Variants in CFH observed in about 807,000 individuals in gnomAD.
The protein encoded by CFH is complement factor H, also known as H factor 1 (complement).
Under a neutral mutation model 147.3 loss-of-function variants are expected in CFH, and 53 were observed. The observed-to-expected ratio is 0.36, with a 90% CI of 0.29 to 0.45. CFH has a LOEUF of 0.45. CFH is among the 20% of genes least tolerant of loss of function. The pLI is 1.00. For missense variants in CFH, 1,380 were observed against 1,498.0 expected (o/e 0.92, Z 1.30); for synonymous variants, 536 against 489.4 (o/e 1.10, Z -1.26).
chr1:196,653,202 C>T (rs1273855714), intron 1 of CFH, among the ~76,000 whole-genome samples: 2 of 151,590 alleles, frequency 1.3e-5, no homozygotes, highest in Non-Finnish European at 3.0e-5. Context: ...AAAAAATATT[C>T]AAATATGTTT....
At chr1:196,722,799 T>G (rs988529054) in intron 11 of CFH, among the ~76,000 whole-genome samples, 2 of 152,166 alleles carry the variant, frequency 1.3e-5, no homozygotes, top group African/African-American at 4.8e-5. Flanking sequence ...TATTTTTGTC[T>G]GACAGGGTTA....
chr1:196,694,440 C>T (rs1573034019), intron 9 of CFH, among the ~76,000 whole-genome samples: 2 of 152,004 alleles, frequency 1.3e-5, no homozygotes, highest in East Asian at 3.9e-4. Flanking sequence ...ATCTTTGCTA[C>T]TGCAAATGGT....
At chr1:196,723,740 C>T (rs1159656542) in intron 11 of CFH, among the ~76,000 whole-genome samples, 1 of 152,054 alleles carries the variant, frequency 6.6e-6, no homozygotes, top group African/African-American at 2.4e-5. Flanking sequence ...AGCACCAGCC[C>T]TGACAGGGGT....
intron 1 of CFH, among the ~76,000 whole-genome samples, chr1:196,655,885 C>CA (rs1246163036): frequency 2.2e-4 from 33 of 151,994 alleles, no homozygotes; most frequent in Non-Finnish European, 2.9e-5. Context: ...AACTGAACAT[C>CA]AAAAAATGAA....
chr1:196,666,366 T>C (rs542989275), intron 1 of CFH, among the ~76,000 whole-genome samples: 20 of 152,304 alleles, frequency 1.3e-4, no homozygotes, highest in Non-Finnish European at 2.8e-4. Flanking sequence ...TCATTCGAGT[T>C]ATATTTTTTT....
At chr1:196,663,021 T>C (rs961571009) in intron 1 of CFH, among the ~76,000 whole-genome samples, 10 of 152,178 alleles carry the variant, frequency 6.6e-5, no homozygotes, top group African/African-American at 2.2e-4. Context: ...TATTGAGAAG[T>C]CTTTGTAAAT....
intron 17 of CFH, among the ~76,000 whole-genome samples, chr1:196,738,307 C>T (rs1363135929): frequency 6.6e-6 from 1 of 152,172 alleles, no homozygotes; most frequent in Non-Finnish European, 1.5e-5. Flanking sequence ...CAATTCAAAA[C>T]ACAATCATGC....
At chr1:196,696,202 A>G (rs908878398) in intron 9 of CFH, among the ~76,000 whole-genome samples, 7 of 152,130 alleles carry the variant, frequency 4.6e-5, no homozygotes, top group Admixed American at 3.9e-4. Context: ...TCGACCATAT[A>G]ATTGGAAGTA....
At chr1:196,714,942 C>A (rs1486284656) in intron 10 of CFH, among the ~76,000 whole-genome samples, 1 of 151,336 alleles carries the variant, frequency 6.6e-6, no homozygotes, top group Non-Finnish European at 1.5e-5. Flanking sequence ...CTCAAATGAT[C>A]CTCCTGCCTC....
chr1:196,743,392 C>A, intron 19 of CFH, 60 bp from the exon 20 acceptor site: 1 of 1,362,608 alleles, frequency 7.3e-7, no homozygotes, highest in Non-Finnish European at 1.0e-6. Flanking sequence ...TAACTGTTAT[C>A]AGTTGATTTG....
At chr1:196,654,613 G>T (rs1215573121) in intron 1 of CFH, among the ~76,000 whole-genome samples, 1 of 152,072 alleles carries the variant, frequency 6.6e-6, no homozygotes, top group East Asian at 1.9e-4. Flanking sequence ...TTAGATTTAG[G>T]GTCTAACAAT....
intron 1 of CFH, among the ~76,000 whole-genome samples, chr1:196,656,749 G>GT (rs1307356885): frequency 6.9e-6 from 1 of 145,098 alleles, no homozygotes. Context: ...GGCTGAGTTC[G>GT]TTTTTTGTGA....
At chr1:196,723,661 G>A (rs1669056774) in intron 11 of CFH, among the ~76,000 whole-genome samples, 5 of 152,032 alleles carry the variant, frequency 3.3e-5, no homozygotes, top group Admixed American at 3.3e-4. Context: ...GTGGTCTGAG[G>A]AGCTGGGGAC....
intron 9 of CFH, among the ~76,000 whole-genome samples, chr1:196,709,660 C>T (rs1388878804): frequency 2.0e-5 from 3 of 152,092 alleles, no homozygotes; most frequent in Admixed American, 2.0e-4. Flanking sequence ...TGTAGCTGGT[C>T]ATTGATTACT....
At chr1:196,726,422 T>A in intron 12 of CFH, 48 bp from the exon 13 acceptor site, 1 of 1,421,860 alleles carries the variant, frequency 7.0e-7, no homozygotes, top group Non-Finnish European at 9.8e-7. Flanking sequence ...ATTTTTATAT[T>A]GTAAAACAGA....
rs493367 is a variant in CFH, at chr1:196,746,977, C to T, written c.3494-134C>T. 9.7e-3 allele frequency: 14,113 copies of T among 1,448,852 alleles called. 1,102 individuals are homozygous for T. In the African/African-American group the frequency reaches 0.17, roughly 18 times the overall value. The allele number at this position is 1,448,852 out of a possible 1,614,324, so 89.7% of individuals were successfully genotyped here. The stretch of plus-strand genomic sequence containing the variant: ...GTTTATTCAAATCAATATGATGTTT[C>T]TACATAGTTGGTTTGGATAGTGTTT... On this transcript the variant is annotated intron_variant, in intron 21 of 21. Transcript: ENST00000367429.
rs138890387 is a variant in CFH, at chr1:196,725,169, G to A, written c.1745G>A (p.Arg582His). The change falls in exon 12 of 22, where the codon CGC becomes CAC. Residue 582 changes from arginine (R) to histidine (H), a missense_variant. Physicochemically the swap from Arg to His is conservative, Grantham distance 29. Transcript: ENST00000367429. Reference protein sequence around the residue: ...PKIDVHLVPDRKKDQYKVGEV... With the variant: ...PKIDVHLVPDHKKDQYKVGEV... Reference sequence around the variant, plus strand: ...ATAGATGTACACTTAGTTCCTGATCGCAAGAAAGACCAGTATAAAGTTGGA... The same window carrying A: ...ATAGATGTACACTTAGTTCCTGATCACAAGAAAGACCAGTATAAAGTTGGA... 1.5e-5 allele frequency: 25 copies of A among 1,613,698 alleles called. No homozygotes were observed. Among genetic ancestry groups the A allele is most frequent in the South Asian group, 3.3e-5 (3 of 91,076 alleles).
intron 15 of CFH, among the ~76,000 whole-genome samples, chr1:196,728,783 A>G (rs890686086): frequency 6.6e-6 from 1 of 151,580 alleles, no homozygotes; most frequent in Non-Finnish European, 1.5e-5. Context: ...ACATGTCATC[A>G]TTACTGTTGG....
rs115737819 is a variant in CFH, at chr1:196,670,055, C to T, written c.59-2923C>T. On this transcript the variant is annotated intron_variant, in intron 1 of 21. Coordinates refer to ENST00000367429, the MANE Select transcript of CFH (RefSeq NM_000186.4). ...GGAACTTTGAGTTTTAATGACTTCC[C>T]TATTGGATTTCTGACTTTCATGGAG... is the stretch of plus-strand genomic sequence containing the variant. Among the ~76,000 whole-genome samples the T allele has an allele frequency of 4.1e-3, 632 of 152,322 alleles. 2 individuals carry two copies. Among genetic ancestry groups the T allele is most frequent in the African/African-American group, 0.015 (612 of 41,574 alleles).
Sources: allele counts gnomAD v4.1 joint callset (sites outside exome capture counted in the v4.1 genomes callset), GRCh38; gene constraint gnomAD v4.1.1; transcripts MANE v1.5; gene names NCBI Gene and HGNC (gene_info 2026-07-23, HGNC 2026-07-21).